Variants in DIAPH3 observed in about 807,000 individuals in gnomAD.
DIAPH3 encodes the protein diaphanous related formin 3.
Under a neutral mutation model 144.3 loss-of-function variants are expected in DIAPH3, and 117 were observed. The ratio of observed to expected loss-of-function variants is 0.81; its 90% CI spans 0.70 to 0.95. DIAPH3 has a LOEUF of 0.95. DIAPH3 is among the 40% of genes least tolerant of loss of function. The probability of loss-of-function intolerance (pLI) is 0.00; values close to 1 mark genes in which losing one functional copy is unlikely to be tolerated. For synonymous variants in DIAPH3, 519 were observed against 488.9 expected (o/e 1.06, Z -0.81); for missense variants, 1,421 against 1,412.7 (o/e 1.01, Z -0.09).
chr13:59,748,041 T>G lies in DIAPH3; in HGVS notation c.3319+26148A>C, dbSNP rs138747814. On this transcript the variant is annotated intron_variant, in intron 27 of 27. Transcript: ENST00000400324. The stretch of plus-strand genomic sequence containing the variant: ...TCTACAAATCATGCAATAAGATAAG[T>G]GGTTGCAGGTTTTTACACTGGAAGA... Among the ~76,000 whole-genome samples the G allele has an allele frequency of 1.7e-4, 26 of 152,180 alleles. No individual in the cohort carries two copies. The East Asian group carries it at 4.3e-3, about 25-fold the overall frequency.
chr13:59,992,901 T>C (rs898915686), intron 9 of DIAPH3, among the ~76,000 whole-genome samples: 5 of 146,096 alleles, frequency 3.4e-5, no homozygotes, highest in Non-Finnish European at 7.5e-5. Flanking sequence ...TCCAATAATA[T>C]CACTCTACAC....
chr13:59,746,483 G>A (rs528614069), intron 27 of DIAPH3, among the ~76,000 whole-genome samples: 4 of 151,762 alleles, frequency 2.6e-5, no homozygotes, highest in Admixed American at 6.6e-5. Flanking sequence ...CTTGGCCTCC[G>A]AAAGTGCTGA....
intron 17 of DIAPH3, among the ~76,000 whole-genome samples, chr13:59,931,292 A>C (rs2048004623): frequency 6.6e-6 from 1 of 152,078 alleles, no homozygotes; most frequent in Non-Finnish European, 1.5e-5. Context: ...ATATTTTTTC[A>C]CCTGGACCAC....
chr13:60,115,274 G>A (rs1301755368), intron 2 of DIAPH3, among the ~76,000 whole-genome samples: 1 of 152,052 alleles, frequency 6.6e-6, no homozygotes, highest in Non-Finnish European at 1.5e-5. Flanking sequence ...TCTGATTCTT[G>A]GGATCACTTC....
rs76143614 is a variant in DIAPH3, at chr13:59,703,733, T to A, written c.3320-36887A>T. ...GTATTTGGATCATCTAAATAACTAT[T>A]TCTTGTATGCGTGTTTATGTGTGTG... On this transcript the variant is annotated intron_variant, in intron 27 of 27. Coordinates refer to ENST00000400324, the MANE Select transcript of DIAPH3 (RefSeq NM_001042517.2). Among the ~76,000 whole-genome samples the A allele has an allele frequency of 2.5e-3, 377 of 152,304 alleles. 1 individual carries two copies. Among genetic ancestry groups the A allele is most frequent in the African/African-American group, 8.6e-3 (357 of 41,562 alleles).
At chr13:59,794,852 A>G (rs1393458072) in intron 25 of DIAPH3, among the ~76,000 whole-genome samples, 1 of 152,228 alleles carries the variant, frequency 6.6e-6, no homozygotes, top group Non-Finnish European at 1.5e-5. Flanking sequence ...TATTTCTAAC[A>G]TGCTGTTTAG....
chr13:60,024,413 T>C (rs1361579673), intron 5 of DIAPH3, among the ~76,000 whole-genome samples: 1 of 152,232 alleles, frequency 6.6e-6, no homozygotes, highest in African/African-American at 2.4e-5. Flanking sequence ...ACTTCAGTTA[T>C]TGTATTTTTC....
intron 3 of DIAPH3, among the ~76,000 whole-genome samples, chr13:60,100,675 A>G: frequency 6.6e-6 from 1 of 152,176 alleles, no homozygotes; most frequent in East Asian, 1.9e-4. Flanking sequence ...GTCTAAAATT[A>G]TTTCAAAATA....
intron 3 of DIAPH3, among the ~76,000 whole-genome samples, chr13:60,103,250 A>G (rs1001575507): frequency 2.0e-5 from 3 of 152,038 alleles, no homozygotes; most frequent in African/African-American, 4.8e-5. Flanking sequence ...GCAATGAGAG[A>G]GTGGACATTT....
At chr13:60,032,004 C>A (rs888515287) in intron 5 of DIAPH3, among the ~76,000 whole-genome samples, 2 of 152,014 alleles carry the variant, frequency 1.3e-5, no homozygotes, top group Non-Finnish European at 2.9e-5. Context: ...GCCTTCCAGG[C>A]GTGAGTCACC....
At chr13:59,692,939 T>G (rs1176533219) in intron 27 of DIAPH3, among the ~76,000 whole-genome samples, 3 of 152,218 alleles carry the variant, frequency 2.0e-5, no homozygotes, top group Non-Finnish European at 4.4e-5. Flanking sequence ...AGGCAGGCAT[T>G]AAACAAATAA....
chr13:60,016,669 C>A (rs946455186), intron 5 of DIAPH3, among the ~76,000 whole-genome samples: 2 of 152,106 alleles, frequency 1.3e-5, no homozygotes, highest in African/African-American at 4.8e-5. Flanking sequence ...GATGCTTTAG[C>A]AGAATTCCCC....
At chr13:59,737,897 T>C (rs894908831) in intron 27 of DIAPH3, among the ~76,000 whole-genome samples, 4 of 152,162 alleles carry the variant, frequency 2.6e-5, no homozygotes, top group African/African-American at 9.7e-5. Flanking sequence ...CCGGGCACAG[T>C]GGCTCATGGC....
intron 27 of DIAPH3, among the ~76,000 whole-genome samples, chr13:59,717,105 T>C (rs2035100381): frequency 6.6e-6 from 1 of 152,134 alleles, no homozygotes; most frequent in Admixed American, 6.5e-5. Context: ...ATTCAAAAGA[T>C]CTGCAATGCA....
chr13:60,096,984 T>A (rs1420895051), intron 3 of DIAPH3, among the ~76,000 whole-genome samples: 1 of 152,118 alleles, frequency 6.6e-6, no homozygotes, highest in Admixed American at 6.5e-5. Flanking sequence ...ATAAATCCCC[T>A]CTCATATAGA....
At chr13:59,934,728 A>T (rs2048181446) in intron 17 of DIAPH3, among the ~76,000 whole-genome samples, 1 of 152,200 alleles carries the variant, frequency 6.6e-6, no homozygotes, top group Non-Finnish European at 1.5e-5. Context: ...TACATGCTGA[A>T]GGTGGCACAA....
At chr13:59,826,647 C>T (rs1022656718) in intron 24 of DIAPH3, among the ~76,000 whole-genome samples, 18 of 151,454 alleles carry the variant, frequency 1.2e-4, no homozygotes, top group Non-Finnish European at 1.5e-4. Context: ...CATCAAGCTA[C>T]CAATGACTTT....
chr13:59,705,867 G>T (rs1049130597), intron 27 of DIAPH3, among the ~76,000 whole-genome samples: 1 of 152,010 alleles, frequency 6.6e-6, no homozygotes, highest in African/African-American at 2.4e-5. Flanking sequence ...TTCCTGTGCT[G>T]ATATTACTAA....
At chr13:59,807,495 C>T (rs1242259358) in intron 25 of DIAPH3, among the ~76,000 whole-genome samples, 2 of 151,992 alleles carry the variant, frequency 1.3e-5, no homozygotes, top group African/African-American at 2.4e-5. Flanking sequence ...AGACATAGCA[C>T]ATATCTGTAT....
Sources: gnomAD v4.1 joint callset for allele counts (sites outside exome capture counted in the v4.1 genomes callset) on GRCh38, gnomAD v4.1.1 for gene constraint, MANE v1.5 for transcripts, NCBI Gene and HGNC (gene_info 2026-07-23, HGNC 2026-07-21) for gene names.